SMAP1: variants seen among roughly 807,000 people sequenced by gnomAD.
SMAP1 encodes stromal membrane-associated protein 1.
In SMAP1, 24 loss-of-function variants were observed where a neutral mutation model predicts 58.5. That is an observed-to-expected ratio of 0.41 (90% CI 0.30 to 0.58). SMAP1 has a LOEUF of 0.58. Ranked by LOEUF, SMAP1 falls within the 20% of genes least tolerant of loss-of-function variation. SMAP1 has a pLI of 0.29. For missense variants in SMAP1, 563 were observed against 566.3 expected, an observed-to-expected ratio of 0.99 and a Z score of 0.06; for synonymous variants, 216 against 196.6, an observed-to-expected ratio of 1.10 and a Z score of -0.82.
chr6:70,705,261 T>TG (rs1767792961), intron 1 of SMAP1, among the ~76,000 whole-genome samples: 1 of 152,016 alleles, frequency 6.6e-6, no homozygotes, highest in Non-Finnish European at 1.5e-5. Context: ...GATTTTTTTT[T>TG]TTTTTTTTAA....
intron 1 of SMAP1, among the ~76,000 whole-genome samples, chr6:70,699,310 C>T (rs1342223163): frequency 6.6e-6 from 1 of 152,142 alleles, no homozygotes; most frequent in East Asian, 1.9e-4. Flanking sequence ...GAAACAAGTA[C>T]CCATGTGACC....
rs1247127708 is a variant in SMAP1, at chr6:70,676,316, A to G, written c.118+8175A>G. Among the ~76,000 whole-genome samples, 3 of 152,198 alleles carry G rather than the reference A, an allele frequency of 2.0e-5. No homozygotes were observed. The East Asian group carries it at 5.8e-4, about 29-fold the overall frequency. ...GGTAATATATATTTTCTTCCAGTAT[A>G]TTATACAGGACATGTTGGAGCCTCA... On this transcript the variant is annotated intron_variant, in intron 1 of 10. Transcript: ENST00000370455.
intron 2 of SMAP1, among the ~76,000 whole-genome samples, chr6:70,735,919 A>AT (rs1469770881): frequency 1.3e-5 from 2 of 152,240 alleles, no homozygotes; most frequent in South Asian, 2.1e-4. Context: ...GGCTAGCTCT[A>AT]TTTTTTTAAA....
At chr6:70,711,867 G>A (rs775310443) in intron 1 of SMAP1, among the ~76,000 whole-genome samples, 22 of 152,088 alleles carry the variant, frequency 1.4e-4, no homozygotes, top group African/African-American at 3.6e-4. Flanking sequence ...AAAGGATTAC[G>A]TCATCTGCAA....
intron 1 of SMAP1, among the ~76,000 whole-genome samples, chr6:70,698,285 C>G (rs1767492638): frequency 6.6e-6 from 1 of 152,054 alleles, no homozygotes. Context: ...TGTTAGAGCT[C>G]CTTTGTATGT....
intron 2 of SMAP1, among the ~76,000 whole-genome samples, chr6:70,739,858 G>A (rs1328464872): frequency 6.6e-6 from 1 of 151,430 alleles, no homozygotes; most frequent in African/African-American, 2.4e-5. Flanking sequence ...TTTGTTTCAT[G>A]TTTATTTCTG....
intron 1 of SMAP1, among the ~76,000 whole-genome samples, chr6:70,718,096 T>C (rs920288731): frequency 3.9e-5 from 6 of 152,092 alleles, no homozygotes; most frequent in South Asian, 2.1e-4. Flanking sequence ...TGTTTTTTTT[T>C]CCCCTTCCGA....
chr6:70,796,111 A>G (rs911464800), intron 5 of SMAP1, among the ~76,000 whole-genome samples: 1 of 152,166 alleles, frequency 6.6e-6, no homozygotes, highest in African/African-American at 2.4e-5. Flanking sequence ...AAAACATTTT[A>G]TAATATATAT....
At position 70,680,869 on chromosome 6, in the gene SMAP1, C is replaced by T. The variant is rs1397737641; in HGVS notation, c.118+12728C>T. ...AAGTAGCTGGGATTACAGGCACGTG[C>T]CACCACACCCAGCTAATTTTTGTAT... On this transcript the variant is annotated intron_variant, in intron 1 of 10. Transcript: ENST00000370455. Among the ~76,000 whole-genome samples the T allele has an allele frequency of 2.0e-5, 3 of 151,718 alleles. No homozygotes were observed. The East Asian group carries it at 5.8e-4, about 30-fold the overall frequency.
intron 3 of SMAP1, among the ~76,000 whole-genome samples, chr6:70,764,914 C>T (rs1033550989): frequency 1.3e-5 from 2 of 152,162 alleles, no homozygotes; most frequent in African/African-American, 4.8e-5. Flanking sequence ...ATCCTTCCAC[C>T]TCAGCGTCCT....
intron 2 of SMAP1, among the ~76,000 whole-genome samples, chr6:70,744,943 A>T (rs553323534): frequency 1.2e-4 from 18 of 152,248 alleles, no homozygotes; most frequent in African/African-American, 4.1e-4. Flanking sequence ...GCATTTTTTC[A>T]TGTGTCTGTT....
intron 7 of SMAP1, among the ~76,000 whole-genome samples, chr6:70,849,943 CA>C (rs749260506): frequency 2.2e-4 from 33 of 152,092 alleles, no homozygotes; most frequent in Non-Finnish European, 2.1e-4. Flanking sequence ...TGCTCTGTGA[CA>C]CTGGACAAGT....
chr6:70,693,621 G>A (rs927155758), intron 1 of SMAP1, among the ~76,000 whole-genome samples: 3 of 152,090 alleles, frequency 2.0e-5, no homozygotes, highest in Non-Finnish European at 4.4e-5. Context: ...TTTTAATAGG[G>A]ATTGCGTTGA....
chr6:70,698,637 C>T (rs1031855060), intron 1 of SMAP1, among the ~76,000 whole-genome samples: 1 of 152,106 alleles, frequency 6.6e-6, no homozygotes, highest in African/African-American at 2.4e-5. Context: ...TTCAAGCTTA[C>T]GAATTATTTC....
intron 6 of SMAP1, among the ~76,000 whole-genome samples, chr6:70,832,563 C>G (rs1770405646): frequency 6.6e-6 from 1 of 152,044 alleles, no homozygotes; most frequent in African/African-American, 2.4e-5. Flanking sequence ...GCTGCTGTAA[C>G]AGAATAGCAC....
At chr6:70,838,866 C>T (rs1363101823) in intron 7 of SMAP1, among the ~76,000 whole-genome samples, 2 of 151,932 alleles carry the variant, frequency 1.3e-5, no homozygotes, top group South Asian at 2.1e-4. Context: ...ATTATTGTGG[C>T]GGTTGTGCTG....
chr6:70,842,030 C>T (rs1349086962), intron 7 of SMAP1, among the ~76,000 whole-genome samples: 2 of 152,162 alleles, frequency 1.3e-5, no homozygotes, highest in African/African-American at 2.4e-5. Flanking sequence ...TCCACAGTTA[C>T]CAGTGGACCT....
chr6:70,789,934 T>G (rs1477554918), intron 4 of SMAP1, among the ~76,000 whole-genome samples: 1 of 152,110 alleles, frequency 6.6e-6, no homozygotes, highest in Non-Finnish European at 1.5e-5. Flanking sequence ...GTTTTAAAAG[T>G]GGCCACATCA....
intron 7 of SMAP1, chr6:70,837,797 G>T: frequency 8.1e-7 from 1 of 1,237,906 alleles, no homozygotes. Flanking sequence ...GAAAGATTGA[G>T]AAGGAAAAGA....
Sources: allele counts gnomAD v4.1 joint callset (sites outside exome capture counted in the v4.1 genomes callset), GRCh38; gene constraint gnomAD v4.1.1; transcripts MANE v1.5; gene names NCBI Gene and HGNC (gene_info 2026-07-23, HGNC 2026-07-21).